Variants in SLC24A4 observed in about 807,000 individuals in gnomAD.
The protein encoded by SLC24A4 is sodium/potassium/calcium exchanger 4.
A neutral mutation model predicts 79.0 loss-of-function variants in SLC24A4; 53 were observed. The observed-to-expected ratio is 0.67, with a 90% CI of 0.54 to 0.84. SLC24A4 has a LOEUF of 0.84. Ranked by LOEUF, SLC24A4 falls within the 40% of genes least tolerant of loss-of-function variation. The probability of loss-of-function intolerance (pLI) is 0.00; values close to 1 mark genes in which losing one functional copy is unlikely to be tolerated. For missense variants in SLC24A4, 731 were observed against 822.0 expected (o/e 0.89, Z 1.35); for synonymous variants, 323 against 323.8 (o/e 1.00, Z 0.03).
intron 2 of SLC24A4, among the ~76,000 whole-genome samples, chr14:92,399,207 C>G (rs575134545): frequency 2.6e-5 from 4 of 152,284 alleles, no homozygotes; most frequent in African/African-American, 4.8e-5. Context: ...TTGTTAATTT[C>G]ATGCACACCG....
chr14:92,492,321 G>A, intron 16 of SLC24A4, 81 bp downstream of exon 16: 2 of 1,318,634 alleles, frequency 1.5e-6, no homozygotes, highest in South Asian at 2.4e-5. Context: ...ACGTGACTCT[G>A]TACACCCCTG....
chr14:92,380,955 T>C (rs1175761411), intron 2 of SLC24A4, among the ~76,000 whole-genome samples: 1 of 152,064 alleles, frequency 6.6e-6, no homozygotes, highest in Non-Finnish European at 1.5e-5. Context: ...CTGTGAGGGT[T>C]CAGGAGTGAA....
chr14:92,480,373 A>G (rs12889526), intron 12 of SLC24A4, among the ~76,000 whole-genome samples: 121,342 of 133,826 alleles, frequency 0.91, 56,034 homozygotes, highest in Non-Finnish European at 0.99. Context: ...AGCTCACTGC[A>G]AGCTCCACTT....
At chr14:92,381,252 TA>T (rs1206812306) in intron 2 of SLC24A4, among the ~76,000 whole-genome samples, 4 of 152,026 alleles carry the variant, frequency 2.6e-5, no homozygotes, top group African/African-American at 9.7e-5. Flanking sequence ...TATGCAGCCA[TA>T]AAAAGGGGTG....
intron 2 of SLC24A4, among the ~76,000 whole-genome samples, chr14:92,406,400 T>C (rs61975657): frequency 0.081 from 12,403 of 152,244 alleles, 563 homozygotes; most frequent in Non-Finnish European, 0.093. Context: ...CTCCACTAGG[T>C]AGTGCTCCAG....
intron 12 of SLC24A4, among the ~76,000 whole-genome samples, chr14:92,467,807 T>A (rs1459157036): frequency 2.6e-5 from 4 of 152,206 alleles, no homozygotes; most frequent in South Asian, 2.1e-4. Context: ...CCACACGAGC[T>A]GCCTTATGCT....
At chr14:92,461,802 C>T (rs1389896284) in intron 12 of SLC24A4, among the ~76,000 whole-genome samples, 1 of 152,188 alleles carries the variant, frequency 6.6e-6, no homozygotes, top group Admixed American at 6.5e-5. Context: ...CATGTATCCC[C>T]TCATTCATGC....
At chr14:92,403,606 TA>T (rs78331584) in intron 2 of SLC24A4, among the ~76,000 whole-genome samples, 18,377 of 109,818 alleles carry the variant, frequency 0.17, 1,289 homozygotes, top group African/African-American at 0.26. Context: ...AGACTCCATC[TA>T]AAAAAAAAAA....
intron 2 of SLC24A4, among the ~76,000 whole-genome samples, chr14:92,333,726 T>C (rs1445306725): frequency 6.6e-6 from 1 of 152,118 alleles, no homozygotes; most frequent in Non-Finnish European, 1.5e-5. Context: ...ATGCAAGCGC[T>C]AGATGGAGAA....
At chr14:92,365,002 C>T (rs1017728913) in intron 2 of SLC24A4, among the ~76,000 whole-genome samples, 1 of 152,222 alleles carries the variant, frequency 6.6e-6, no homozygotes, top group Non-Finnish European at 1.5e-5. Flanking sequence ...TTCTCCCTCC[C>T]TATCCTTCCA....
rs1886978734 is a variant in SLC24A4, at chr14:92,353,024, A to AT, written c.241+27047dup. On this transcript the variant is annotated intron_variant, in intron 2 of 16. Coordinates refer to ENST00000532405, the MANE Select transcript of SLC24A4 (RefSeq NM_153646.4). This position sits in a 1 kb window ranked among gnomAD's most constrained non-coding sequence, Gnocchi z 4.1. Reference sequence around the variant, plus strand: ...AAGTCTTTGAATAGATAATGTTTTCATATGATTCAAAATTCAAAAAGCACT... The same window carrying AT: ...AAGTCTTTGAATAGATAATGTTTTCATTATGATTCAAAATTCAAAAAGCACT... Among the ~76,000 whole-genome samples the AT allele has an allele frequency of 6.6e-6, 1 of 152,234 alleles. No homozygotes were observed. The highest frequency in any genetic ancestry group is 1.5e-5 in the Non-Finnish European group (1 of 68,044).
At chr14:92,331,236 T>C (rs1431696848) in intron 2 of SLC24A4, among the ~76,000 whole-genome samples, 2 of 152,202 alleles carry the variant, frequency 1.3e-5, no homozygotes, top group Admixed American at 1.3e-4. Flanking sequence ...CTGGCTGTCA[T>C]GGCATCTTGT....
At chr14:92,326,872 G>A (rs1296910486) in intron 2 of SLC24A4, among the ~76,000 whole-genome samples, 1 of 152,170 alleles carries the variant, frequency 6.6e-6, no homozygotes, top group Non-Finnish European at 1.5e-5. Context: ...CTGTAAATGG[G>A]CAGAATAGTT....
rs900089664 is a variant in SLC24A4, at chr14:92,323,482, C to T, written c.-349C>T. 1.1e-3 allele frequency: 185 copies of T among 163,164 alleles called. 1 individual carries two copies. Among genetic ancestry groups the T allele is most frequent in the Non-Finnish European group, 1.4e-3 (108 of 75,400 alleles). 10.1% of individuals were successfully genotyped at this position (163,164 alleles called of 1,614,324 possible). On this transcript the variant is annotated 5_prime_UTR_variant, in exon 1 of 17. Transcript: ENST00000532405. The surrounding 1 kb of genome is among the most constrained non-coding windows in gnomAD (Gnocchi z 4.9). ...CCAGGGCTGTGGCCGGGCGAGCCGGCCGAAGCGGAGCGGGCAGGTAGCGGC... is the reference window on the plus strand; with the variant it reads ...CCAGGGCTGTGGCCGGGCGAGCCGGTCGAAGCGGAGCGGGCAGGTAGCGGC...
intron 2 of SLC24A4, among the ~76,000 whole-genome samples, chr14:92,421,838 A>T (rs12434796): frequency 0.087 from 13,203 of 151,936 alleles, 595 homozygotes; most frequent in South Asian, 0.1. Flanking sequence ...TCATTTTTTT[A>T]AAAAAAATAA....
At chr14:92,338,573 C>T (rs868775019) in intron 2 of SLC24A4, among the ~76,000 whole-genome samples, 28 of 152,182 alleles carry the variant, frequency 1.8e-4, no homozygotes, top group African/African-American at 5.8e-4. Flanking sequence ...TGTATGACCC[C>T]GCTGTTGGTT....
At chr14:92,396,320 C>T (rs1889775036) in intron 2 of SLC24A4, among the ~76,000 whole-genome samples, 1 of 152,154 alleles carries the variant, frequency 6.6e-6, no homozygotes, top group Admixed American at 6.5e-5. Flanking sequence ...CAGTAAATCA[C>T]AGTCCTGTCC....
At chr14:92,459,295 A>C (rs2139857912) in intron 12 of SLC24A4, among the ~76,000 whole-genome samples, 1 of 152,310 alleles carries the variant, frequency 6.6e-6, no homozygotes, top group African/African-American at 2.4e-5. Flanking sequence ...CTGCTGTTCC[A>C]TAGAGAAGTG....
intron 3 of SLC24A4, among the ~76,000 whole-genome samples, chr14:92,435,869 G>T (rs970700215): frequency 6.6e-6 from 1 of 152,086 alleles, no homozygotes; most frequent in Non-Finnish European, 1.5e-5. Context: ...TTCACTAAGG[G>T]ACTGTGGATG....
Sources: gnomAD v4.1 joint callset for allele counts (sites outside exome capture counted in the v4.1 genomes callset) on GRCh38, gnomAD v4.1.1 for gene constraint, Gnocchi (gnomAD v3.1) non-coding constraint, MANE v1.5 for transcripts, NCBI Gene and HGNC (gene_info 2026-07-23, HGNC 2026-07-21) for gene names.